TTC12: variants seen among roughly 807,000 people sequenced by gnomAD.
The protein encoded by TTC12 is tetratricopeptide repeat domain 12, also known as tetratricopeptide repeat protein 12.
A neutral mutation model predicts 90.1 loss-of-function variants in TTC12; 70 were observed. The ratio of observed to expected loss-of-function variants is 0.78; its 90% CI spans 0.64 to 0.95. The LOEUF (loss-of-function observed/expected upper bound fraction) is 0.95. Ranked by LOEUF, TTC12 falls within the 40% of genes least tolerant of loss-of-function variation. The pLI is 0.00. For synonymous variants in TTC12, 296 were observed against 311.5 expected (o/e 0.95, Z 0.53); for missense variants, 819 against 846.1 (o/e 0.97, Z 0.40).
intron 19 of TTC12, 71 bp downstream of exon 19, chr11:113,362,573 T>G: frequency 8.4e-6 from 9 of 1,072,372 alleles, no homozygotes; most frequent in Non-Finnish European, 1.1e-5. Context: ...GGAACAGAAT[T>G]AAGGTGGGCT....
intron 1 of TTC12, chr11:113,314,978 G>C (rs960971834): frequency 3.9e-5 from 6 of 151,944 alleles, no homozygotes; most frequent in South Asian, 2.1e-4. Flanking sequence ...CCTAGCGTAG[G>C]GGGGCACTGG....
At chr11:113,356,966 G>T (rs1949669209) in intron 16 of TTC12, among the ~76,000 whole-genome samples, 1 of 152,050 alleles carries the variant, frequency 6.6e-6, no homozygotes, top group Non-Finnish European at 1.5e-5. Context: ...TTGAATGTTG[G>T]CCTCTCTAGC....
In TTC12 at chr11:113,351,279, C is replaced by A. The variant is rs782346831; in HGVS notation, c.1288C>A (p.Pro430Thr). The A allele has an allele frequency of 1.4e-5, 23 of 1,614,092 alleles. No individual in the cohort carries two copies. In the South Asian group the frequency reaches 2.4e-4, roughly 17 times the overall value. Reference protein sequence around the residue: ...WFQANLPGVLPALTGVLKTDP... With the variant: ...WFQANLPGVLTALTGVLKTDP... ...CCAGGCCAACCTTCCAGGTGTTCTC[C>A]CTGCACTCACAGGCGTTCTGGTGAG... The change falls in exon 15 of 22, where the codon CCT (proline) becomes ACT (threonine). Residue 430 changes from proline (P) to threonine (T), a missense_variant. Physicochemically the swap from Pro to Thr is conservative, Grantham distance 38. Transcript: ENST00000529221.
Position 113,351,141 on chromosome 11 carries a change from T to C in TTC12, c.1248-98T>C, listed in dbSNP as rs782212419. The C allele has an allele frequency of 9.5e-5, 105 of 1,109,068 alleles. 1 individual carries two copies. Among genetic ancestry groups the C allele is most frequent in the Non-Finnish European group, 1.4e-4 (103 of 742,102 alleles). 68.7% of individuals were successfully genotyped at this position (1,109,068 alleles called of 1,614,324 possible). A position where few individuals can be genotyped will look rare whatever the true frequency, so the allele number is the denominator to read the frequency against. ...TTGTCCATGCACACTCTAAATCATA[T>C]GGACCTAGAGTTTGCAACATTAACT... is the stretch of plus-strand genomic sequence containing the variant. On this transcript the variant is annotated intron_variant, in intron 14 of 21. Coordinates refer to ENST00000529221, the MANE Select transcript of TTC12 (RefSeq NM_017868.4).
At chr11:113,318,564 C>T (rs1555136807) in intron 2 of TTC12, among the ~76,000 whole-genome samples, 1 of 152,154 alleles carries the variant, frequency 6.6e-6, no homozygotes, top group Non-Finnish European at 1.5e-5. Context: ...GCCCTATCTA[C>T]AAATACAGTC....
chr11:113,322,612 G>T (rs1179984190), intron 2 of TTC12, among the ~76,000 whole-genome samples: 10 of 152,194 alleles, frequency 6.6e-5, no homozygotes, highest in African/African-American at 2.4e-4. Context: ...AACAAGGATT[G>T]CTGGGCATCA....
intron 6 of TTC12, among the ~76,000 whole-genome samples, chr11:113,326,377 A>C (rs1555141068): frequency 1.3e-5 from 2 of 152,154 alleles, no homozygotes; most frequent in African/African-American, 4.8e-5. Flanking sequence ...GACAGGCCTG[A>C]AAAATTGGCA....
rs1555140755 is a variant in TTC12, at chr11:113,325,590, G to A, written c.389G>A (p.Ser130Asn). ...GNYETAILRY[S>N]EGLEKLKDMK... ...TATGAAACAGCTATCCTGCGCTACA[G>A]TGAGGGTTTGGAGAAGCTGAAGGAC... Residue 130 changes from serine to asparagine, a missense_variant, in exon 6 of 22, where the codon AGT (serine) becomes AAT (asparagine). Physicochemically the swap from Ser to Asn is conservative, Grantham distance 46. Coordinates refer to ENST00000529221, the MANE Select transcript of TTC12 (RefSeq NM_017868.4). 6.2e-7 allele frequency: 1 copy of A among 1,613,948 alleles called. No homozygotes were observed. Among genetic ancestry groups the A allele is most frequent in the Non-Finnish European group, 8.5e-7 (1 of 1,179,894 alleles).
rs372860379 is a variant in TTC12, at chr11:113,360,869, G to T, written c.1614+861G>T. On this transcript the variant is annotated intron_variant, in intron 18 of 21. Coordinates refer to ENST00000529221, the MANE Select transcript of TTC12 (RefSeq NM_017868.4). Reference sequence around the variant, plus strand: ...GTCAATTCAGACAGGATAGGGCAAAGGTTTTGTGCGTGTGCATTTTCACAG... The same window carrying T: ...GTCAATTCAGACAGGATAGGGCAAATGTTTTGTGCGTGTGCATTTTCACAG... Among the ~76,000 whole-genome samples, 130 of 152,346 alleles carry T rather than the reference G, an allele frequency of 8.5e-4. 3 individuals are homozygous for T. In the South Asian group the frequency reaches 0.027, roughly 31 times the overall value.
chr11:113,359,568 C>T (rs1949802408), intron 17 of TTC12, 107 bp downstream of exon 17: 4 of 777,040 alleles, frequency 5.1e-6, no homozygotes, highest in Admixed American at 4.2e-5. Context: ...TGTACACTCA[C>T]ACACTGGCCG....
At chr11:113,368,084 T>C, downstream of TTC12, 2 of 971,734 alleles carry the variant, frequency 2.1e-6, no homozygotes, top group Non-Finnish European at 2.8e-6. Context: ...TCCCCTGCTA[T>C]GGCTGCCCTC....
intron 7 of TTC12, among the ~76,000 whole-genome samples, chr11:113,331,235 G>A (rs1259420585): frequency 2.0e-5 from 3 of 152,166 alleles, no homozygotes; most frequent in Admixed American, 2.0e-4. Flanking sequence ...ATGACGTCAA[G>A]CTCCTCACAG....
intron 4 of TTC12, 48 bp from the exon 5 acceptor site, chr11:113,324,557 T>G (rs782628815): frequency 1.3e-6 from 2 of 1,509,420 alleles, no homozygotes; most frequent in Non-Finnish European, 1.8e-6. Flanking sequence ...GAACTGATTA[T>G]AGTATTTGGA....
chr11:113,345,315 C>A (rs1051164219), intron 13 of TTC12, among the ~76,000 whole-genome samples: 1 of 152,146 alleles, frequency 6.6e-6, no homozygotes, highest in Non-Finnish European at 1.5e-5. Context: ...CCTCATCCTG[C>A]GGGGTAGGCA....
In TTC12 at chr11:113,330,132, G is replaced by A. The variant is rs568516791; in HGVS notation, c.504+153G>A. 6.6e-5 allele frequency among the ~76,000 whole-genome samples: 10 copies of A among 152,286 alleles called. No homozygotes were observed. In the East Asian group the frequency reaches 1.9e-3, roughly 29 times the overall value. ...ATGGGATAGAATAGAATTGTTAGGA[G>A]GGTCACGACAATGCACAGAAAGTGC... is the stretch of plus-strand genomic sequence containing the variant. On this transcript the variant is annotated intron_variant, in intron 7 of 21. Transcript: ENST00000529221.
intron 6 of TTC12, 112 bp from the exon 7 acceptor site, chr11:113,329,808 G>A: frequency 1.1e-6 from 1 of 894,608 alleles, no homozygotes; most frequent in Non-Finnish European, 1.9e-6. Flanking sequence ...GACTGATCCA[G>A]GTAGGGGATA....
At chr11:113,322,415 A>G (rs1311950051) in intron 2 of TTC12, among the ~76,000 whole-genome samples, 1 of 152,188 alleles carries the variant, frequency 6.6e-6, no homozygotes, top group East Asian at 1.9e-4. Context: ...AAGAATGGGC[A>G]CCTTTTCCTG....
Position 113,366,259 on chromosome 11 carries a change from G to C in TTC12, c.2077G>C (p.Glu693Gln). Reference sequence around the variant, plus strand: ...TCAACTGAGAAAGCTTCATGGCCTAGAAATTCTCAACTCTACGATGAAATA... The same window carrying C: ...TCAACTGAGAAAGCTTCATGGCCTACAAATTCTCAACTCTACGATGAAATA... ...AAQLRKLHGL[E>Q]ILNSTMKYIS... The change falls in exon 22 of 22, where the codon GAA becomes CAA. Residue 693 changes from glutamate to glutamine, a missense_variant. Glu to Gln is a conservative substitution (Grantham distance 29). Transcript: ENST00000529221. The C allele has an allele frequency of 1.9e-6, 3 of 1,613,786 alleles. No homozygotes were observed. The highest frequency in any genetic ancestry group is 2.5e-6 in the Non-Finnish European group (3 of 1,180,044).
chr11:113,345,659 C>G (rs1948911182), intron 13 of TTC12, among the ~76,000 whole-genome samples: 1 of 152,262 alleles, frequency 6.6e-6, no homozygotes, highest in Non-Finnish European at 1.5e-5. Context: ...TGGCAACCCA[C>G]TGAAGCTCAG....
Sources: allele counts gnomAD v4.1 joint callset (sites outside exome capture counted in the v4.1 genomes callset), GRCh38; gene constraint gnomAD v4.1.1; transcripts MANE v1.5; gene names NCBI Gene and HGNC (gene_info 2026-07-23, HGNC 2026-07-21).